The following GRB10 variants were observed in gnomAD, a reference collection of about 807,000 sequenced individuals.
GRB10 encodes the protein growth factor receptor bound protein 10.
A neutral mutation model predicts 80.9 loss-of-function variants in GRB10; 20 were observed. The observed-to-expected ratio is 0.25, with a 90% CI of 0.17 to 0.36. GRB10 has a LOEUF of 0.36. Among genes scored for constraint, GRB10 ranks in the 10% least tolerant of loss-of-function variants. GRB10 has a pLI of 1.00. For synonymous variants in GRB10, 291 were observed against 291.5 expected, an observed-to-expected ratio of 1.00 and a Z score of 0.02; for missense variants, 548 against 747.7, an observed-to-expected ratio of 0.73 and a Z score of 3.12.
intron 1 of GRB10, among the ~76,000 whole-genome samples, chr7:50,788,080 T>C (rs2078768880): frequency 6.6e-6 from 1 of 152,204 alleles, no homozygotes. Flanking sequence ...TGGTACAAAC[T>C]TCTGAATTTA....
intron 8 of GRB10, among the ~76,000 whole-genome samples, chr7:50,622,170 T>A (rs2051894842): frequency 6.6e-6 from 1 of 152,254 alleles, no homozygotes; most frequent in East Asian, 1.9e-4. Context: ...ATCAGTGAGA[T>A]AGCCCTGACG....
intron 8 of GRB10, among the ~76,000 whole-genome samples, chr7:50,623,873 A>G (rs2052368057): frequency 6.6e-6 from 1 of 152,178 alleles, no homozygotes; most frequent in Admixed American, 6.5e-5. Flanking sequence ...CCAGTTGAAC[A>G]ATCCAAAATC....
chr7:50,689,079 A>G (rs2062461568), intron 5 of GRB10, among the ~76,000 whole-genome samples: 2 of 152,118 alleles, frequency 1.3e-5, no homozygotes, highest in South Asian at 2.1e-4. Context: ...AAATACCCAC[A>G]GTGGATTAGC....
intron 5 of GRB10, among the ~76,000 whole-genome samples, chr7:50,680,799 G>T (rs1296426906): frequency 3.9e-5 from 6 of 151,940 alleles, no homozygotes; most frequent in Non-Finnish European, 8.8e-5. Flanking sequence ...TTCTTAGAAT[G>T]TTTTTTTTCT....
At chr7:50,668,815 A>G (rs2060072772) in intron 7 of GRB10, among the ~76,000 whole-genome samples, 1 of 152,252 alleles carries the variant, frequency 6.6e-6, no homozygotes, top group Admixed American at 6.5e-5. Flanking sequence ...TTCTCTGCTA[A>G]GCTGACTTGT....
At chr7:50,754,931 G>A (rs2074820129) in intron 3 of GRB10, among the ~76,000 whole-genome samples, 1 of 152,192 alleles carries the variant, frequency 6.6e-6, no homozygotes, top group Non-Finnish European at 1.5e-5. Flanking sequence ...CCTTACAGGA[G>A]GAGGAGATTA....
intron 7 of GRB10, among the ~76,000 whole-genome samples, chr7:50,645,363 T>C (rs1199672403): frequency 1.3e-5 from 2 of 152,120 alleles, no homozygotes; most frequent in African/African-American, 4.8e-5. Context: ...CTGCTACTTT[T>C]TCAGTACTAA....
intron 4 of GRB10, among the ~76,000 whole-genome samples, chr7:50,724,960 T>C (rs1019424166): frequency 6.6e-6 from 1 of 152,182 alleles, no homozygotes; most frequent in Non-Finnish European, 1.5e-5. Flanking sequence ...AGGTACGCCA[T>C]GATGCCTTTC....
rs73344840 is a variant in GRB10, at chr7:50,618,344, G to A, written c.778-205C>T. Among the ~76,000 whole-genome samples, 1,368 of 152,262 alleles carry A rather than the reference G, an allele frequency of 9.0e-3. 25 individuals carry two copies. The highest frequency in any genetic ancestry group is 0.032 in the African/African-American group (1,315 of 41,548). On this transcript the variant is annotated intron_variant, in intron 9 of 18. Coordinates refer to ENST00000401949, the MANE Select transcript of GRB10 (RefSeq NM_001350814.2). ...TGTATTTTGTTTCCTGAAATGCTGG[G>A]TACTAGTGTGGAATACCAACTATGT...
At chr7:50,648,255 A>G (rs535160737) in intron 7 of GRB10, among the ~76,000 whole-genome samples, 4 of 152,144 alleles carry the variant, frequency 2.6e-5, no homozygotes, top group African/African-American at 9.6e-5. Flanking sequence ...TGGAAAGGAG[A>G]GCAGCGAGCG....
chr7:50,681,379 C>T (rs2061526544), intron 5 of GRB10, among the ~76,000 whole-genome samples: 1 of 152,222 alleles, frequency 6.6e-6, no homozygotes, highest in African/African-American at 2.4e-5. Context: ...TCCAGTCTTC[C>T]GGCCTCCTCT....
rs539893105 is a variant in GRB10 at position 50,631,120 on chromosome 7, T to A, written c.505-4142A>T. On this transcript the variant is annotated intron_variant, in intron 7 of 18. Coordinates refer to ENST00000401949, the MANE Select transcript of GRB10 (RefSeq NM_001350814.2). Reference sequence around the variant, plus strand: ...CATTCAGGCCCCTCCTTGCTGTCAATCTTAGCACAGACCCTCACTCTTGCT... The same window carrying A: ...CATTCAGGCCCCTCCTTGCTGTCAAACTTAGCACAGACCCTCACTCTTGCT... 2.0e-5 allele frequency among the ~76,000 whole-genome samples: 3 copies of A among 152,270 alleles called. No individual in the cohort carries two copies. In the East Asian group the frequency reaches 5.8e-4, roughly 29 times the overall value.
chr7:50,629,559 C>T lies in GRB10; in HGVS notation c.505-2581G>A, dbSNP rs1241066810. The stretch of plus-strand genomic sequence containing the variant: ...TGGTACTTCCAATCTCACCAGGGCC[C>T]TCCAACCACACACAAAGCTAAGACC... On this transcript the variant is annotated intron_variant, in intron 7 of 18. Coordinates refer to ENST00000401949, the MANE Select transcript of GRB10 (RefSeq NM_001350814.2). 2.6e-5 allele frequency among the ~76,000 whole-genome samples: 4 copies of T among 152,302 alleles called. No individual in the cohort carries two copies. The South Asian group carries it at 6.2e-4, about 24-fold the overall frequency.
intron 3 of GRB10, among the ~76,000 whole-genome samples, chr7:50,747,854 CGAGATAGGAAAGGCGTGG>C (rs969424061): frequency 7.2e-5 from 11 of 151,774 alleles, no homozygotes; most frequent in Non-Finnish European, 1.3e-4. Flanking sequence ...CTCCAGACAT[CGAGATAGGAAAGGCGTGG>C]GAGATGATGA....
intron 2 of GRB10, among the ~76,000 whole-genome samples, chr7:50,774,150 G>A (rs2077330512): frequency 1.3e-5 from 2 of 152,214 alleles, no homozygotes; most frequent in African/African-American, 2.4e-5. Flanking sequence ...CCTGGACAGG[G>A]AAATCTATGC....
intron 2 of GRB10, among the ~76,000 whole-genome samples, chr7:50,763,085 T>C (rs1410491496): frequency 1.3e-5 from 2 of 148,382 alleles, no homozygotes; most frequent in African/African-American, 5.0e-5. Flanking sequence ...GCCACTGCAC[T>C]CCACTCTGGG....
chr7:50,754,647 C>T (rs531528589), intron 3 of GRB10, among the ~76,000 whole-genome samples: 1 of 152,350 alleles, frequency 6.6e-6, no homozygotes, highest in African/African-American at 2.4e-5. Context: ...GCATCTAACA[C>T]AAAGCTAACA....
chr7:50,678,028 C>T (rs1031027628), intron 5 of GRB10, among the ~76,000 whole-genome samples: 1 of 152,180 alleles, frequency 6.6e-6, no homozygotes, highest in Non-Finnish European at 1.5e-5. Flanking sequence ...GGGGAATTTT[C>T]ATGTGCAGTT....
chr7:50,652,536 T>G (rs550279383), intron 7 of GRB10, among the ~76,000 whole-genome samples: 99 of 152,158 alleles, frequency 6.5e-4, no homozygotes, highest in Non-Finnish European at 1.1e-3. Flanking sequence ...GAACAAACAA[T>G]GCCTTTGAGG....
Sources: gnomAD v4.1 joint callset for allele counts (sites outside exome capture counted in the v4.1 genomes callset) on GRCh38, gnomAD v4.1.1 for gene constraint, MANE v1.5 for transcripts, NCBI Gene and HGNC (gene_info 2026-07-23, HGNC 2026-07-21) for gene names.